Variants in F7 observed in about 807,000 individuals in gnomAD.
F7 encodes the protein FVII coagulation protein.
A neutral mutation model predicts 47.5 loss-of-function variants in F7; 38 were observed. The observed-to-expected ratio is 0.80, with a 90% confidence interval of 0.62 to 1.05. The LOEUF is 1.05. Among genes scored for constraint, F7 ranks in the 50% least tolerant of loss-of-function variants. F7 has a pLI of 0.00. For synonymous variants in F7, 244 were observed against 258.5 expected, an observed-to-expected ratio of 0.94 and a Z score of 0.54; for missense variants, 575 against 605.4, an observed-to-expected ratio of 0.95 and a Z score of 0.53.
Position 113,110,685 on chromosome 13 carries a change from C to T in F7, c.65-5C>T. ...TGGGCGCTTCACGGAACTCGCATTT[C>T]CCAGTCTTCGTAACCCAGGAGGAAG... On this transcript the variant is annotated splice_polypyrimidine_tract_variant and splice_region_variant and intron_variant, in intron 1 of 7. Coordinates refer to ENST00000346342, the MANE Select transcript of F7 (RefSeq NM_019616.4). 1.3e-6 allele frequency: 2 copies of T among 1,548,200 alleles called. No individual in the cohort carries two copies. Among genetic ancestry groups the T allele is most frequent in the Non-Finnish European group, 1.7e-6 (2 of 1,146,420 alleles).
Position 113,113,709 on chromosome 13 carries a change from G to C in F7, c.226-43G>C. 6.3e-7 allele frequency: 1 copy of C among 1,591,998 alleles called. No individual in the cohort carries two copies. Among genetic ancestry groups the C allele is most frequent in the South Asian group, 1.1e-5 (1 of 90,620 alleles). ...TCCAGTGCTTACCGTTGGGTGCTCT[G>C]GTGAAGGTGCATCTCACGAGGCTTG... On this transcript the variant is annotated intron_variant, in intron 2 of 7. Transcript: ENST00000346342. The surrounding 1 kb of genome is among the most constrained non-coding windows in gnomAD (Gnocchi z 4.1).
At position 113,113,234 on chromosome 13, in the gene F7, T is replaced by C. The variant is rs1273444839; in HGVS notation, c.226-518T>C. Among the ~76,000 whole-genome samples, 1 of 152,224 alleles carries C rather than the reference T, an allele frequency of 6.6e-6. No homozygotes were observed. The highest frequency in any genetic ancestry group is 1.5e-5 in the Non-Finnish European group (1 of 68,046). On this transcript the variant is annotated intron_variant, in intron 2 of 7. Coordinates refer to ENST00000346342, the MANE Select transcript of F7 (RefSeq NM_019616.4). This position sits in a 1 kb window ranked among gnomAD's most constrained non-coding sequence, Gnocchi z 4.1. ...TGACCCTTTCCAGACAAATTGAGGA[T>C]GGTCATGCCTAGCATTTTTATACAC... is the stretch of plus-strand genomic sequence containing the variant.
rs527408781 is a variant in F7 at position 113,113,212 on chromosome 13, C to T, written c.226-540C>T. ...CTGTCTGAGGCAAAGGCTAACATGA[C>T]CCTTTCCAGACAAATTGAGGATGGT... On this transcript the variant is annotated intron_variant, in intron 2 of 7. Transcript: ENST00000346342. The surrounding 1 kb of genome is among the most constrained non-coding windows in gnomAD (Gnocchi z 4.1). Among the ~76,000 whole-genome samples, 64 of 152,350 alleles carry T rather than the reference C, an allele frequency of 4.2e-4. No individual in the cohort carries two copies. Among genetic ancestry groups the T allele is most frequent in the African/African-American group, 1.5e-3 (61 of 41,580 alleles).
rs1483721823 is a variant in F7, at chr13:113,115,640, T to G, written c.365-20T>G. 1 of 1,611,036 alleles carries G rather than the reference T, an allele frequency of 6.2e-7. No individual in the cohort carries two copies. The highest frequency in any genetic ancestry group is 8.5e-7 in the Non-Finnish European group (1 of 1,179,234). On this transcript the variant is annotated intron_variant, in intron 4 of 7. Transcript: ENST00000346342. The stretch of plus-strand genomic sequence containing the variant: ...TGACCCCCAGAAGCCCCTCTCAGGG[T>G]GTCCCCTTCCTGTCCCCAGACAAGG...
At position 113,116,755 on chromosome 13, in the gene F7, G is replaced by A; in HGVS notation, c.506-11G>A. ...AAATCTCTGCATCTTTCTGACTTTT[G>A]TTTTACACAGTTGAATATCCATGTG... On this transcript the variant is annotated splice_polypyrimidine_tract_variant and intron_variant, in intron 5 of 7. Transcript: ENST00000346342. 1 of 1,588,404 alleles carries A rather than the reference G, an allele frequency of 6.3e-7. No homozygotes were observed. Among genetic ancestry groups the A allele is most frequent in the Non-Finnish European group, 8.6e-7 (1 of 1,156,736 alleles).
intron 1 of F7, 115 bp from the exon 2 acceptor site, chr13:113,110,575 C>A (rs1173592847): frequency 4.9e-6 from 7 of 1,415,326 alleles, no homozygotes; most frequent in Non-Finnish European, 6.8e-6. Flanking sequence ...GCGCCGCTCC[C>A]CTCCTCCAGG....
chr13:113,110,808 C>T lies in F7; in HGVS notation c.183C>T (p.Ser61=). ...LERECKEEQC[S]FEEAREIFKD... is the part of the protein sequence containing the mutation. ...GGGAGTGCAAGGAGGAGCAGTGCTC[C>T]TTCGAGGAGGCCCGGGAGATCTTCA... The change falls in exon 2 of 8, where the codon TCC becomes TCT. Residue 61 remains serine, a synonymous_variant. Transcript: ENST00000346342. The T allele has an allele frequency of 1.3e-6, 2 of 1,558,540 alleles. No individual in the cohort carries two copies. The highest frequency in any genetic ancestry group is 2.0e-4 in the Middle Eastern group (1 of 5,094).
intron 5 of F7, among the ~76,000 whole-genome samples, chr13:113,116,280 G>C (rs757232865): frequency 1.3e-5 from 2 of 152,210 alleles, no homozygotes; most frequent in Non-Finnish European, 2.9e-5. Context: ...CAAAGAGGCG[G>C]ACGTGCCCAC....
At chr13:113,118,350 CATGCACCAGGGGGTGAGGTGGCAGGT>C (rs1274330399) in intron 7 of F7, 37 bp from the exon 8 acceptor site, 5 of 1,516,554 alleles carry the variant, frequency 3.3e-6, no homozygotes, top group Non-Finnish European at 3.6e-6. Context: ...AGCCCATCCC[CATGCACCAGGGGGTGAGGTGGCAGGT>C]GGTGGAAAGG....
At chr13:113,110,428 C>G in intron 1 of F7, 1 of 437,744 alleles carries the variant, frequency 2.3e-6, no homozygotes, top group Middle Eastern at 6.1e-4. Flanking sequence ...CCCTTCGGCC[C>G]GGCTTCCGCG....
chr13:113,114,100 T>C, intron 4 of F7, 140 bp downstream of exon 4: 1 of 851,096 alleles, frequency 1.2e-6, no homozygotes, highest in Non-Finnish European at 1.9e-6. Context: ...AGTTGGAAAT[T>C]GGTCTAGGTG....
chr13:113,110,004 G>A (rs2036058159), intron 1 of F7, among the ~76,000 whole-genome samples: 1 of 152,214 alleles, frequency 6.6e-6, no homozygotes, highest in Non-Finnish European at 1.5e-5. Context: ...GGTTACGGAG[G>A]GGCCAGGAGC....
At chr13:113,118,180 C>T (rs2036229943) in intron 7 of F7, among the ~76,000 whole-genome samples, 1 of 152,194 alleles carries the variant, frequency 6.6e-6, no homozygotes, top group Admixed American at 6.5e-5. Context: ...AGCATCCCTT[C>T]CCCACCTCAA....
Position 113,113,957 on chromosome 13 carries a change from A to G in F7, c.361A>G (p.Thr121Ala). 6.2e-7 allele frequency: 1 copy of G among 1,613,856 alleles called. No individual in the cohort carries two copies. The highest frequency in any genetic ancestry group is 8.5e-7 in the Non-Finnish European group (1 of 1,180,028). ...LPAFEGRNCE[T>A]HKDDQLICVN... ...TGCCTTCGAGGGCCGGAACTGTGAGACGCGTAAGGCCCCACTTTGGGTCCC... is the reference window on the plus strand; with the variant it reads ...TGCCTTCGAGGGCCGGAACTGTGAGGCGCGTAAGGCCCCACTTTGGGTCCC... The change falls in exon 4 of 8, where the codon ACG (threonine) becomes GCG (alanine). Residue 121 changes from threonine to alanine, a missense_variant. Coordinates refer to ENST00000346342, the MANE Select transcript of F7 (RefSeq NM_019616.4). This position sits in a 1 kb window ranked among gnomAD's most constrained non-coding sequence, Gnocchi z 4.1.
intron 1 of F7, among the ~76,000 whole-genome samples, chr13:113,107,268 C>G (rs1184705953): frequency 1.5e-5 from 1 of 67,192 alleles, no homozygotes; most frequent in Non-Finnish European, 3.5e-5. Flanking sequence ...GTGTGGGTGT[C>G]CCGGGGGCGT....
chr13:113,112,697 TCACAGAGGTCACCTCA>T (rs2036125143), intron 2 of F7, among the ~76,000 whole-genome samples: 3 of 128,660 alleles, frequency 2.3e-5, no homozygotes, highest in African/African-American at 6.1e-5. Flanking sequence ...ACAGGACAAC[TCACAGAGGTCACCTCA>T]CACAGGACAC....
In F7 at chr13:113,118,584, G is replaced by A. The variant is rs146698837; in HGVS notation, c.911G>A (p.Arg304Gln). 4.1e-5 allele frequency: 66 copies of A among 1,612,662 alleles called. No individual in the cohort carries two copies. Among genetic ancestry groups the A allele is most frequent in the East Asian group, 2.2e-4 (10 of 44,868 alleles). ...DHVVPLCLPE[R>Q]TFSERTLAFV... ...GTGGTGCCCCTCTGCCTGCCCGAAC[G>A]GACGTTCTCTGAGAGGACGCTGGCC... The change falls in exon 8 of 8, where the codon CGG becomes CAG. Residue 304 changes from arginine (R) to glutamine (Q), a missense_variant. By Grantham distance (43) the Arg-to-Gln change is conservative (BLOSUM62 1). Coordinates refer to ENST00000346342, the MANE Select transcript of F7 (RefSeq NM_019616.4).
chr13:113,106,722 CGTGGGGATGGCGT>C (rs1009471957), intron 1 of F7: 53 of 690,004 alleles, frequency 7.7e-5, no homozygotes, highest in South Asian at 4.9e-4. Flanking sequence ...GCTAGTGGGG[CGTGGGGATGGCGT>C]GTGGGGATGG....
At chr13:113,110,653 C>A in intron 1 of F7, 37 bp from the exon 2 acceptor site, 11 of 1,547,432 alleles carry the variant, frequency 7.1e-6, no homozygotes, top group Non-Finnish European at 9.6e-6. Context: ...CTGGGCGGGG[C>A]ACGCGGTGGG....
Sources: gnomAD v4.1 joint callset for allele counts (sites outside exome capture counted in the v4.1 genomes callset) on GRCh38, gnomAD v4.1.1 for gene constraint, Gnocchi (gnomAD v3.1) non-coding constraint, MANE v1.5 for transcripts, NCBI Gene and HGNC (gene_info 2026-07-23, HGNC 2026-07-21) for gene names.